Variants in ITGBL1 observed in about 807,000 individuals in gnomAD.
ITGBL1 encodes integrin subunit beta like 1.
A neutral mutation model predicts 68.5 loss-of-function variants in ITGBL1; 51 were observed. The observed-to-expected ratio is 0.74, with a 90% confidence interval of 0.59 to 0.94. ITGBL1 has a LOEUF of 0.94. Ranked by LOEUF, ITGBL1 falls within the 40% of genes least tolerant of loss-of-function variation. The pLI, the probability that ITGBL1 is intolerant of heterozygous loss-of-function variation, is 0.00. For synonymous variants in ITGBL1, 209 were observed against 227.3 expected (o/e 0.92, Z 0.72); for missense variants, 649 against 647.4 (o/e 1.00, Z -0.03).
chr13:101,452,896 G>T lies in ITGBL1; in HGVS notation c.63G>T (p.Leu21Phe). The change falls in exon 1 of 11, where the codon TTG (leucine) becomes TTT (phenylalanine). Residue 21 changes from leucine (L) to phenylalanine (F), a missense_variant. Leu to Phe is a conservative substitution (Grantham distance 22). Coordinates refer to ENST00000376180, the MANE Select transcript of ITGBL1 (RefSeq NM_004791.3). ...LLASSLLFAG[L>F]SAVPQSFSPS... ...CGTCCTCCCTTCTCTTTGCTGGGTT[G>T]TCAGCTGTTCCTCAAAGCTTCTCGC... 6.2e-7 allele frequency: 1 copy of T among 1,614,208 alleles called. No homozygotes were observed. Among genetic ancestry groups the T allele is most frequent in the Non-Finnish European group, 8.5e-7 (1 of 1,180,034 alleles).
intron 7 of ITGBL1, among the ~76,000 whole-genome samples, chr13:101,685,479 A>G (rs1178434394): frequency 1.3e-5 from 2 of 152,044 alleles, no homozygotes; most frequent in Non-Finnish European, 2.9e-5. Flanking sequence ...GCTAATAATG[A>G]TCTTGGCTCT....
intron 7 of ITGBL1, among the ~76,000 whole-genome samples, chr13:101,659,039 ATT>A (rs55935871): frequency 2.4e-4 from 25 of 103,844 alleles, no homozygotes; most frequent in African/African-American, 7.7e-4. Context: ...TGGTGATTGA[ATT>A]TTTTTTTTTT....
Position 101,524,600 on chromosome 13 carries a change from A to T in ITGBL1, c.317-43099A>T, listed in dbSNP as rs1409221351. ...AATTAACATCTGTTTCTCCTACTGT[A>T]GTATCAGGTTCTTTTTTAGTGAGAG... On this transcript the variant is annotated intron_variant, in intron 2 of 10. Transcript: ENST00000376180. Among the ~76,000 whole-genome samples, 5 of 149,224 alleles carry T rather than the reference A, an allele frequency of 3.4e-5. No individual in the cohort carries two copies. In the East Asian group the frequency reaches 7.9e-4, roughly 24 times the overall value.
At chr13:101,469,480 G>A (rs554583210) in intron 2 of ITGBL1, among the ~76,000 whole-genome samples, 5 of 152,270 alleles carry the variant, frequency 3.3e-5, no homozygotes, top group Admixed American at 1.3e-4. Flanking sequence ...TCACGAGTTC[G>A]AGACCAGCCT....
intron 6 of ITGBL1, among the ~76,000 whole-genome samples, chr13:101,585,224 T>C (rs1199097184): frequency 6.6e-6 from 1 of 152,158 alleles, no homozygotes; most frequent in Non-Finnish European, 1.5e-5. Context: ...TGGTGCCATT[T>C]ACTGAAATAG....
At chr13:101,629,264 T>C (rs965980450) in intron 7 of ITGBL1, among the ~76,000 whole-genome samples, 4 of 152,174 alleles carry the variant, frequency 2.6e-5, no homozygotes, top group Non-Finnish European at 5.9e-5. Context: ...TCTACAAATC[T>C]TTGCTGTAAG....
intron 2 of ITGBL1, among the ~76,000 whole-genome samples, chr13:101,515,932 A>G (rs573005308): frequency 6.6e-6 from 1 of 152,292 alleles, no homozygotes; most frequent in African/African-American, 2.4e-5. Context: ...TGTGCATCAA[A>G]GAGGATAGCA....
intron 7 of ITGBL1, among the ~76,000 whole-genome samples, chr13:101,628,872 A>G (rs1388281737): frequency 6.6e-6 from 1 of 151,962 alleles, no homozygotes; most frequent in African/African-American, 2.4e-5. Context: ...TAAATAAATT[A>G]TCCTTATTAA....
intron 7 of ITGBL1, among the ~76,000 whole-genome samples, chr13:101,646,382 G>A (rs1051864346): frequency 2.0e-5 from 3 of 151,800 alleles, no homozygotes; most frequent in South Asian, 2.1e-4. Flanking sequence ...TTACATAAAC[G>A]AATGGTCAAA....
intron 7 of ITGBL1, among the ~76,000 whole-genome samples, chr13:101,667,187 G>A (rs2033240950): frequency 1.3e-5 from 2 of 152,090 alleles, no homozygotes; most frequent in South Asian, 2.1e-4. Context: ...CAAGAATAAT[G>A]TATGGCCATT....
intron 8 of ITGBL1, among the ~76,000 whole-genome samples, chr13:101,704,247 C>G (rs942815173): frequency 6.6e-6 from 1 of 151,942 alleles, no homozygotes; most frequent in African/African-American, 2.4e-5. Flanking sequence ...GTCTATGGGT[C>G]GGACCCTGCC....
rs2050344933 is a variant in ITGBL1, at chr13:101,575,554, T to C, written c.586+8T>C. ...CAGAAGAAATATGTGGAGGTATGTA[T>C]ATTGGCTCTGTAGAAATTAATAAAA... On this transcript the variant is annotated splice_region_variant and intron_variant, in intron 4 of 10. Transcript: ENST00000376180. 1.2e-6 allele frequency: 2 copies of C among 1,610,448 alleles called. No homozygotes were observed. The highest frequency in any genetic ancestry group is 1.7e-5 in the Admixed American group (1 of 59,786).
chr13:101,595,013 G>T (rs530670971), intron 6 of ITGBL1, among the ~76,000 whole-genome samples: 1 of 152,234 alleles, frequency 6.6e-6, no homozygotes, highest in Non-Finnish European at 1.5e-5. Context: ...GTTGGAGATT[G>T]CAGTGAACCG....
intron 2 of ITGBL1, among the ~76,000 whole-genome samples, chr13:101,464,137 G>T (rs886332692): frequency 6.6e-6 from 1 of 151,978 alleles, no homozygotes; most frequent in Non-Finnish European, 1.5e-5. Context: ...GACCTCAGGC[G>T]ATCCACCCGC....
At chr13:101,598,686 T>G (rs1199038122) in intron 7 of ITGBL1, among the ~76,000 whole-genome samples, 4 of 152,230 alleles carry the variant, frequency 2.6e-5, no homozygotes, top group East Asian at 3.9e-4. Flanking sequence ...ATATGCCGTG[T>G]TTGGTTTTTT....
In ITGBL1 at chr13:101,454,193, G is replaced by A. The variant is rs554021111; in HGVS notation, c.316+93G>A. On this transcript the variant is annotated intron_variant, in intron 2 of 10. Transcript: ENST00000376180. ...CTAGAAGAGTGAAGGGTGGGGACAC[G>A]CCTCCCTTCACATAAGCACCAATTA... The A allele has an allele frequency of 5.9e-5, 50 of 846,172 alleles. No individual in the cohort carries two copies. The African/African-American group carries it at 8.4e-4, about 14-fold the overall frequency. 52.4% of individuals were successfully genotyped at this position (846,172 alleles called of 1,614,324 possible).
At chr13:101,471,799 T>A (rs1015292345) in intron 2 of ITGBL1, among the ~76,000 whole-genome samples, 13 of 150,886 alleles carry the variant, frequency 8.6e-5, no homozygotes, top group African/African-American at 3.2e-4. Flanking sequence ...CAAACATCAC[T>A]GGGCAAAAGG....
chr13:101,714,948 T>G (rs1039101035), intron 10 of ITGBL1: 1 of 198,014 alleles, frequency 5.1e-6, no homozygotes, highest in African/African-American at 2.4e-5. Flanking sequence ...GTTGGTTGCT[T>G]TTAGGGAACT....
intron 7 of ITGBL1, among the ~76,000 whole-genome samples, chr13:101,684,248 A>G (rs113502549): frequency 6.6e-6 from 1 of 151,990 alleles, no homozygotes; most frequent in Non-Finnish European, 1.5e-5. Flanking sequence ...TCCAACTTTT[A>G]TGATTACTGT....
Sources: allele counts gnomAD v4.1 joint callset (sites outside exome capture counted in the v4.1 genomes callset), GRCh38; gene constraint gnomAD v4.1.1; transcripts MANE v1.5; gene names NCBI Gene and HGNC (gene_info 2026-07-23, HGNC 2026-07-21).